Variants in DNAH11 observed in about 807,000 individuals in gnomAD.
DNAH11 encodes the protein dynein axonemal heavy chain 11, also known as axonemal beta dynein heavy chain 11.
DNAH11 carries 442 observed loss-of-function variants against 526.0 expected under a neutral mutation model. The ratio of observed to expected loss-of-function variants is 0.84; its 90% CI spans 0.78 to 0.91. The LOEUF (loss-of-function observed/expected upper bound fraction) is 0.91, where lower values mean the gene tolerates loss of function less well. Among genes scored for constraint, DNAH11 ranks in the 40% least tolerant of loss-of-function variants. The pLI is 0.00. For missense variants in DNAH11, 6,989 were observed against 5,448.7 expected (o/e 1.28, Z -8.90); for synonymous variants, 2,461 against 1,935.9 (o/e 1.27, Z -7.12).
chr7:21,721,430 G>T (rs1253032155), intron 44 of DNAH11, among the ~76,000 whole-genome samples: 1 of 152,090 alleles, frequency 6.6e-6, no homozygotes, highest in Non-Finnish European at 1.5e-5. Flanking sequence ...CGTCTTAGTA[G>T]CTCAGATCGC....
At chr7:21,620,721 CA>C (rs1285095199) in intron 25 of DNAH11, among the ~76,000 whole-genome samples, 2 of 114,776 alleles carry the variant, frequency 1.7e-5, no homozygotes, top group African/African-American at 6.6e-5. Flanking sequence ...CCCCTCCCCC[CA>C]CCCCACAACA....
intron 76 of DNAH11, among the ~76,000 whole-genome samples, chr7:21,888,025 A>G (rs551016078): frequency 5.7e-4 from 87 of 152,238 alleles, no homozygotes; most frequent in African/African-American, 2.0e-3. Flanking sequence ...ACAGGCCAAC[A>G]CTGAGAACAA....
intron 60 of DNAH11, among the ~76,000 whole-genome samples, chr7:21,788,642 A>G (rs1788297535): frequency 6.6e-6 from 1 of 152,180 alleles, no homozygotes; most frequent in Non-Finnish European, 1.5e-5. Context: ...CATGTGCTTA[A>G]GGTGGTTGGG....
At chr7:21,675,312 G>C (rs1437928076) in intron 30 of DNAH11, among the ~76,000 whole-genome samples, 1 of 152,118 alleles carries the variant, frequency 6.6e-6, no homozygotes, top group Non-Finnish European at 1.5e-5. Flanking sequence ...TTTTTCCACA[G>C]AGCCACCCGA....
chr7:21,794,785 G>A (rs1788636272), intron 61 of DNAH11, among the ~76,000 whole-genome samples: 1 of 152,130 alleles, frequency 6.6e-6, no homozygotes, highest in African/African-American at 2.4e-5. Flanking sequence ...TACTTCCTCT[G>A]GGTTACGGTA....
intron 28 of DNAH11, among the ~76,000 whole-genome samples, chr7:21,646,659 G>A (rs142704627): frequency 3.7e-4 from 56 of 152,238 alleles, no homozygotes; most frequent in African/African-American, 1.2e-3. Context: ...CTCCAGCAGG[G>A]CAAGAAATAA....
intron 73 of DNAH11, among the ~76,000 whole-genome samples, chr7:21,871,974 AT>A (rs1279819418): frequency 6.6e-6 from 1 of 151,580 alleles, no homozygotes; most frequent in Non-Finnish European, 1.5e-5. Context: ...TACAAAAAAA[AT>A]TAGCTGGGCG....
At chr7:21,818,396 C>T (rs1789908177) in intron 65 of DNAH11, 57 bp downstream of exon 65, 13 of 1,552,510 alleles carry the variant, frequency 8.4e-6, no homozygotes, top group African/African-American at 1.4e-5. Flanking sequence ...TCAGCAGCAG[C>T]ATCTCTTAGC....
intron 66 of DNAH11, chr7:21,851,545 G>C (rs1280509636): frequency 1.1e-5 from 5 of 471,366 alleles, no homozygotes; most frequent in African/African-American, 1.0e-4. Context: ...TTCCCTCTGA[G>C]CTTATGTCAT....
At position 21,864,865 on chromosome 7, in the gene DNAH11, T is replaced by C. The variant is rs1053761788; in HGVS notation, c.11496+208T>C. Among the ~76,000 whole-genome samples, 13 of 152,242 alleles carry C rather than the reference T, an allele frequency of 8.5e-5. 1 individual carries two copies. The highest frequency in any genetic ancestry group is 2.9e-4 in the African/African-American group (12 of 41,464). ...TAGATGTAAAGGAGCTTTTGGCTTA[T>C]GTATGCGTGGAAAAGTTAATAAATA... On this transcript the variant is annotated intron_variant, in intron 70 of 81. Coordinates refer to ENST00000409508, the MANE Select transcript of DNAH11 (RefSeq NM_001277115.2).
At chr7:21,616,046 T>C (rs1479320963) in intron 21 of DNAH11, among the ~76,000 whole-genome samples, 163 bp from the exon 22 acceptor site, 1 of 152,228 alleles carries the variant, frequency 6.6e-6, no homozygotes, top group Non-Finnish European at 1.5e-5. Context: ...ACAACTTTTT[T>C]GTTTTGGTGA....
intron 57 of DNAH11, among the ~76,000 whole-genome samples, chr7:21,782,617 G>C (rs974021248): frequency 6.6e-6 from 1 of 152,194 alleles, no homozygotes; most frequent in African/African-American, 2.4e-5. Flanking sequence ...TAGGCTGATA[G>C]AAATGGCACT....
intron 35 of DNAH11, among the ~76,000 whole-genome samples, chr7:21,691,468 C>T (rs1461644577): frequency 1.3e-5 from 2 of 151,954 alleles, no homozygotes; most frequent in African/African-American, 4.8e-5. Flanking sequence ...ATCTGACGGG[C>T]AAAGCCAGGG....
At chr7:21,551,761 A>G (rs1783032576) in intron 2 of DNAH11, among the ~76,000 whole-genome samples, 2 of 152,170 alleles carry the variant, frequency 1.3e-5, no homozygotes, top group Non-Finnish European at 2.9e-5. Context: ...TTTCTTTGGT[A>G]TTCTATGATA....
chr7:21,866,519 G>T lies in DNAH11; in HGVS notation c.11546G>T (p.Gly3849Val), dbSNP rs145735492. 4.3e-5 allele frequency: 70 copies of T among 1,613,790 alleles called. No homozygotes were observed. The East Asian group carries it at 1.4e-3, about 31-fold the overall frequency. Residue 3849 changes from glycine to valine, a missense_variant, in exon 71 of 82, where the codon GGA (glycine) becomes GTA (valine). Transcript: ENST00000409508. ...EFRGIDRDVE[G>V]SAKQWRKWVE... ...CGAGGCATAGACCGAGATGTGGAAG[G>T]ATCTGCCAAGCAGTGGAGGAAGTGG...
intron 63 of DNAH11, among the ~76,000 whole-genome samples, chr7:21,813,396 A>G (rs1245780013): frequency 6.6e-6 from 1 of 152,214 alleles, no homozygotes; most frequent in African/African-American, 2.4e-5. Flanking sequence ...AGAGATATCT[A>G]CCTTGCAGAA....
At chr7:21,888,147 C>G (rs182263437) in intron 76 of DNAH11, among the ~76,000 whole-genome samples, 4 of 152,292 alleles carry the variant, frequency 2.6e-5, no homozygotes, top group African/African-American at 9.6e-5. Context: ...AAGGTATTGC[C>G]TAGAAAATCA....
chr7:21,748,564 C>A lies in DNAH11; in HGVS notation c.8511-16C>A. On this transcript the variant is annotated splice_polypyrimidine_tract_variant and intron_variant, in intron 51 of 81. Transcript: ENST00000409508. ...ATTTTCGATTTTGTGCCATAATGGG[C>A]GCTTCCTTTCCTCAGGTGTCGCATC... is the stretch of plus-strand genomic sequence containing the variant. The A allele has an allele frequency of 1.3e-6, 2 of 1,481,654 alleles. No individual in the cohort carries two copies. The highest frequency in any genetic ancestry group is 2.4e-5 in the East Asian group (1 of 41,328). 91.8% of individuals were successfully genotyped at this position (1,481,654 alleles called of 1,614,324 possible). A position where few individuals can be genotyped will look rare whatever the true frequency, so the allele number is the denominator to read the frequency against.
At chr7:21,795,936 G>A (rs1008822885) in intron 61 of DNAH11, among the ~76,000 whole-genome samples, 6 of 152,052 alleles carry the variant, frequency 3.9e-5, no homozygotes, top group Non-Finnish European at 5.9e-5. Flanking sequence ...AGAAGATAGG[G>A]AAAGGGCATT....
Sources: gnomAD v4.1 joint callset for allele counts (sites outside exome capture counted in the v4.1 genomes callset) on GRCh38, gnomAD v4.1.1 for gene constraint, MANE v1.5 for transcripts, NCBI Gene and HGNC (gene_info 2026-07-23, HGNC 2026-07-21) for gene names.